The following HECTD4 variants were observed in gnomAD, a reference collection of about 807,000 sequenced individuals.
HECTD4 encodes probable E3 ubiquitin-protein ligase HECTD4.
A neutral mutation model predicts 471.5 loss-of-function variants in HECTD4; 114 were observed. That is an observed-to-expected ratio of 0.24 (90% CI 0.21 to 0.28). The LOEUF (loss-of-function observed/expected upper bound fraction) is 0.28. Among genes scored for constraint, HECTD4 ranks in the 10% least tolerant of loss-of-function variants. HECTD4 has a pLI of 1.00. For missense variants in HECTD4, 3,866 were observed against 5,651.5 expected (o/e 0.68, Z 10.13); for synonymous variants, 2,012 against 2,256.0 (o/e 0.89, Z 3.07).
chr12:112,244,296 T>C (rs957356791), intron 29 of HECTD4, among the ~76,000 whole-genome samples: 12 of 152,236 alleles, frequency 7.9e-5, no homozygotes, highest in Admixed American at 6.5e-4. Context: ...TTCACTTTAA[T>C]GTAAGCATTC....
chr12:112,268,947 T>C (rs539316545), intron 13 of HECTD4, among the ~76,000 whole-genome samples: 11 of 122,196 alleles, frequency 9.0e-5, no homozygotes, highest in Non-Finnish European at 1.6e-4. Context: ...CGATCTCGAC[T>C]CACTGCAAGC....
chr12:112,164,367 GGTGGGGTCTACCCTCGGCC>G (rs1240389078), intron 72 of HECTD4, 92 bp from the exon 73 acceptor site: 3 of 1,373,164 alleles, frequency 2.2e-6, no homozygotes, highest in Non-Finnish European at 2.0e-6. Context: ...AAGCGCAGCT[GGTGGGGTCTACCCTCGGCC>G]GTGTAGATGA....
chr12:112,224,518 G>A (rs1459796227), intron 44 of HECTD4, among the ~76,000 whole-genome samples: 4 of 152,004 alleles, frequency 2.6e-5, no homozygotes, highest in Middle Eastern at 3.2e-3. Context: ...TGCCTGCCTC[G>A]GCCTCCCAAA....
chr12:112,188,947 T>C lies in HECTD4; in HGVS notation c.9472+1839A>G, dbSNP rs761408106. On this transcript the variant is annotated intron_variant, in intron 60 of 75. Coordinates refer to ENST00000682272, the MANE Select transcript of HECTD4 (RefSeq NM_001388303.1). The surrounding 1 kb of genome is among the most constrained non-coding windows in gnomAD (Gnocchi z 4.2). ...TGTAAGACGACCTTGGAGAGAATTC[T>C]TCACCAAAATTGCACATGACGGCCT... Among the ~76,000 whole-genome samples, 3 of 152,220 alleles carry C rather than the reference T, an allele frequency of 2.0e-5. No individual in the cohort carries two copies. The highest frequency in any genetic ancestry group is 6.5e-5 in the Admixed American group (1 of 15,280).
chr12:112,268,782 AC>A (rs1232301636), intron 13 of HECTD4, among the ~76,000 whole-genome samples: 1 of 144,596 alleles, frequency 6.9e-6, no homozygotes, highest in Non-Finnish European at 1.5e-5. Flanking sequence ...AAAAAAGTTC[AC>A]TGAACTAAAA....
chr12:112,252,558 A>G, intron 22 of HECTD4, 30 bp from the exon 23 acceptor site: 1 of 1,593,186 alleles, frequency 6.3e-7, no homozygotes, highest in Non-Finnish European at 8.5e-7. Flanking sequence ...GGGGAAATGC[A>G]CTTTAAAAAC....
Position 112,239,276 on chromosome 12 carries a change from G to A in HECTD4, c.5106-40C>T, listed in dbSNP as rs1815732432. 6.5e-7 allele frequency: 1 copy of A among 1,534,876 alleles called. No individual in the cohort carries two copies. The highest frequency in any genetic ancestry group is 1.4e-5 in the African/African-American group (1 of 72,552). On this transcript the variant is annotated intron_variant, in intron 33 of 75. Coordinates refer to ENST00000682272, the MANE Select transcript of HECTD4 (RefSeq NM_001388303.1). This position sits in a 1 kb window ranked among gnomAD's most constrained non-coding sequence, Gnocchi z 4.9. ...TGGATTACACTAGATAAACGTAACT[G>A]ACCGACACTCAGGAAACTCTCATGT...
At chr12:112,325,003 T>C (rs942100742) in intron 1 of HECTD4, among the ~76,000 whole-genome samples, 5 of 152,168 alleles carry the variant, frequency 3.3e-5, no homozygotes, top group Non-Finnish European at 7.4e-5. Context: ...TTTATTGAAC[T>C]CAAATGATGA....
chr12:112,280,163 G>A (rs113347736), intron 8 of HECTD4, among the ~76,000 whole-genome samples: 1 of 152,032 alleles, frequency 6.6e-6, no homozygotes, highest in Non-Finnish European at 1.5e-5. Flanking sequence ...CCTAATGAAA[G>A]CTTTCACAAT....
chr12:112,344,667 C>T, intron 1 of HECTD4, among the ~76,000 whole-genome samples: 1 of 152,150 alleles, frequency 6.6e-6, no homozygotes, highest in African/African-American at 2.4e-5. Flanking sequence ...ACCTGTAATC[C>T]CAGCACTTTG....
At chr12:112,203,486 T>C in intron 54 of HECTD4, 150 bp downstream of exon 54, 1 of 605,098 alleles carries the variant, frequency 1.7e-6, no homozygotes. Flanking sequence ...GCAAGTCAAT[T>C]GGCATTAGAG....
intron 15 of HECTD4, 134 bp downstream of exon 15, chr12:112,265,744 G>T: frequency 1.5e-6 from 1 of 646,204 alleles, no homozygotes; most frequent in Non-Finnish European, 2.7e-6. Context: ...CTTTCAACTG[G>T]TCCATGCTTT....
chr12:112,303,114 C>T (rs1174344590), intron 7 of HECTD4, among the ~76,000 whole-genome samples: 2 of 151,920 alleles, frequency 1.3e-5, no homozygotes, highest in African/African-American at 4.8e-5. Flanking sequence ...ATGACCCCAA[C>T]ATCAGTATGA....
intron 44 of HECTD4, among the ~76,000 whole-genome samples, chr12:112,224,585 C>T (rs1486205773): frequency 1.3e-5 from 2 of 152,122 alleles, no homozygotes; most frequent in South Asian, 2.1e-4. Context: ...TTCAACTTTA[C>T]ATAGGATACT....
At chr12:112,256,612 C>A (rs1363552065) in intron 20 of HECTD4, 94 bp from the exon 21 acceptor site, 1 of 827,402 alleles carries the variant, frequency 1.2e-6, no homozygotes, top group Non-Finnish European at 1.8e-6. Context: ...CCACAGCATG[C>A]AGTATGATAA....
Position 112,279,275 on chromosome 12 carries a change from G to A in HECTD4, c.1640C>T (p.Ala547Val). The change falls in exon 9 of 76, where the codon GCC becomes GTC. Residue 547 changes from alanine to valine, a missense_variant. By Grantham distance (64) the Ala-to-Val change is moderately conservative. This residue lies in a region of HECTD4 where 525 missense variants were observed against 672.6 expected (regional missense o/e 0.78). Transcript: ENST00000682272. ...VPPPGGSGSS[A>V]TRSLFGGTSG... ...TGTTCCACCAAAAAGAGATCGGGTG[G>A]CAGAGCTGCCTGATCCCCCTGGAGG... 6.2e-7 allele frequency: 1 copy of A among 1,612,510 alleles called. No individual in the cohort carries two copies. Among genetic ancestry groups the A allele is most frequent in the Non-Finnish European group, 8.5e-7 (1 of 1,179,620 alleles).
At chr12:112,180,702 G>C (rs1172009786) in intron 62 of HECTD4, among the ~76,000 whole-genome samples, 2 of 152,144 alleles carry the variant, frequency 1.3e-5, no homozygotes. Context: ...CTAAGTATGA[G>C]AAGACTGGGA....
chr12:112,258,358 C>T (rs2034070971), intron 20 of HECTD4, 138 bp downstream of exon 20: 1 of 555,546 alleles, frequency 1.8e-6, no homozygotes, highest in Non-Finnish European at 3.1e-6. Context: ...CTACAGTTAT[C>T]TAAAATTTTC....
At position 112,258,555 on chromosome 12, in the gene HECTD4, C is replaced by A; in HGVS notation, c.3069G>T (p.Glu1023Asp). 2 of 1,605,706 alleles carry A rather than the reference C, an allele frequency of 1.2e-6. No homozygotes were observed. The highest frequency in any genetic ancestry group is 1.7e-6 in the Non-Finnish European group (2 of 1,176,654). The change falls in exon 20 of 76, where the codon GAG becomes GAT. Residue 1023 changes from glutamate to aspartate, a missense_variant. Physicochemically the swap from Glu to Asp is conservative, Grantham distance 45 (BLOSUM62 2). This residue lies in a region of HECTD4 where 525 missense variants were observed against 672.6 expected (regional missense o/e 0.78). Coordinates refer to ENST00000682272, the MANE Select transcript of HECTD4 (RefSeq NM_001388303.1). ...LLKTQCPVFA[E>D]VGCSPCGAPD... ...GTGCACCACACGGGGAACAGCCCACCTCAGCAAAAACCGGACACTGGGTTT... is the reference window on the plus strand; with the variant it reads ...GTGCACCACACGGGGAACAGCCCACATCAGCAAAAACCGGACACTGGGTTT...
Sources: gnomAD v4.1 joint callset for allele counts (sites outside exome capture counted in the v4.1 genomes callset) on GRCh38, gnomAD v4.1.1 for gene constraint, gnomAD v4.1.1 regional missense constraint, Gnocchi (gnomAD v3.1) non-coding constraint, MANE v1.5 for transcripts, NCBI Gene and HGNC (gene_info 2026-07-23, HGNC 2026-07-21) for gene names.